IL1RAP: variants seen among roughly 807,000 people sequenced by gnomAD.
IL1RAP encodes interleukin-1 receptor accessory protein.
In IL1RAP, 35 loss-of-function variants were observed where a neutral mutation model predicts 60.7. The observed-to-expected ratio is 0.58, with a 90% CI of 0.44 to 0.76. The LOEUF is 0.76. Among genes scored for constraint, IL1RAP ranks in the 30% least tolerant of loss-of-function variants. The probability of loss-of-function intolerance (pLI) is 0.00; values close to 1 mark genes in which losing one functional copy is unlikely to be tolerated. For synonymous variants in IL1RAP, 268 were observed against 250.9 expected (o/e 1.07, Z -0.64); for missense variants, 572 against 693.9 (o/e 0.82, Z 1.97).
chr3:190,609,176 T>C lies in IL1RAP; in HGVS notation c.532T>C (p.Tyr178His), dbSNP rs1267011263. 2.5e-6 allele frequency: 4 copies of C among 1,599,974 alleles called. No individual in the cohort carries two copies. The highest frequency in any genetic ancestry group is 1.7e-4 in the Middle Eastern group (1 of 5,996). Residue 178 changes from tyrosine (Y) to histidine (H), a missense_variant, in exon 5 of 12, where the codon TAT (tyrosine) becomes CAT (histidine). By Grantham distance (83) the Tyr-to-His change is moderately conservative (BLOSUM62 2). Transcript: ENST00000447382. Reference protein sequence around the residue: ...PSSVKPTITWYMGCYKIQNFN... With the variant: ...PSSVKPTITWHMGCYKIQNFN... ...CAGTGTCAAACCGACTATCACTTGGTATATGGTAAGGAAAATTAGACTACA... is the reference window on the plus strand; with the variant it reads ...CAGTGTCAAACCGACTATCACTTGGCATATGGTAAGGAAAATTAGACTACA...
chr3:190,578,355 A>G lies in IL1RAP; in HGVS notation c.64+14002A>G, dbSNP rs1485297475. On this transcript the variant is annotated intron_variant, in intron 3 of 11. Coordinates refer to ENST00000447382, the MANE Select transcript of IL1RAP (RefSeq NM_002182.4). Reference sequence around the variant, plus strand: ...CAAGCAAGAGGCAATTGTGACAGGTATGATAGTTTAAGCCTTGGCTCTTTG... The same window carrying G: ...CAAGCAAGAGGCAATTGTGACAGGTGTGATAGTTTAAGCCTTGGCTCTTTG... Among the ~76,000 whole-genome samples the G allele has an allele frequency of 3.9e-5, 6 of 152,192 alleles. No individual in the cohort carries two copies. In the East Asian group the frequency reaches 9.6e-4, roughly 24 times the overall value.
At chr3:190,546,943 G>T (rs1340569715) in intron 1 of IL1RAP, among the ~76,000 whole-genome samples, 3 of 152,154 alleles carry the variant, frequency 2.0e-5, no homozygotes, top group African/African-American at 7.2e-5. Flanking sequence ...GCCACAAAAT[G>T]CCCCCCTTGT....
chr3:190,644,821 G>A (rs1315401108), intron 10 of IL1RAP, among the ~76,000 whole-genome samples: 2 of 152,160 alleles, frequency 1.3e-5, no homozygotes, highest in African/African-American at 4.8e-5. Flanking sequence ...AATGTAAAAT[G>A]TATTCTACTT....
chr3:190,636,618 T>C (rs1733247097), intron 9 of IL1RAP, among the ~76,000 whole-genome samples: 1 of 152,042 alleles, frequency 6.6e-6, no homozygotes, highest in African/African-American at 2.4e-5. Context: ...CTCAGCTCAC[T>C]GCCAGCTTTC....
At chr3:190,559,978 A>G (rs1451590403) in intron 2 of IL1RAP, among the ~76,000 whole-genome samples, 1 of 152,196 alleles carries the variant, frequency 6.6e-6, no homozygotes, top group East Asian at 1.9e-4. Flanking sequence ...TTGCTGATAA[A>G]TATTAGATTT....
intron 3 of IL1RAP, among the ~76,000 whole-genome samples, chr3:190,576,385 C>T (rs369410522): frequency 9.2e-5 from 12 of 130,808 alleles, no homozygotes; most frequent in African/African-American, 2.8e-4. Context: ...TATATATATA[C>T]ACACACACAC....
At position 190,544,777 on chromosome 3, in the gene IL1RAP, A is replaced by G. The variant is rs114831841; in HGVS notation, c.-88-11353A>G. ...TTACTAAGTAATTGAGTTTCACAAC[A>G]TGCATTAGCATCCTGAAAGGCCCTG... On this transcript the variant is annotated intron_variant, in intron 1 of 11. Coordinates refer to ENST00000447382, the MANE Select transcript of IL1RAP (RefSeq NM_002182.4). 3.6e-3 allele frequency among the ~76,000 whole-genome samples: 544 copies of G among 152,366 alleles called. 3 individuals are homozygous for G. The highest frequency in any genetic ancestry group is 3.9e-3 in the East Asian group (20 of 5,192).
chr3:190,558,218 A>C (rs539541048), intron 2 of IL1RAP, among the ~76,000 whole-genome samples: 25 of 152,320 alleles, frequency 1.6e-4, no homozygotes, highest in African/African-American at 6.0e-4. Flanking sequence ...TTCCAGCTTT[A>C]GGCAATTAAT....
At position 190,629,603 on chromosome 3, in the gene IL1RAP, G is replaced by GA. The variant is rs1180170340; in HGVS notation, c.1051+106dup. The GA allele has an allele frequency of 7.6e-6, 11 of 1,443,830 alleles. No homozygotes were observed. The African/African-American group carries it at 1.1e-4, about 15-fold the overall frequency. The allele number at this position is 1,443,830 out of a possible 1,614,324, so 89.4% of individuals were successfully genotyped here. Reference sequence around the variant, plus strand: ...ACAAGAGAGCTCCAGCACCTAGCCCGACGGCATCTAACCCATAGTAATGAA... The same window carrying GA: ...ACAAGAGAGCTCCAGCACCTAGCCCGAACGGCATCTAACCCATAGTAATGAA... On this transcript the variant is annotated intron_variant, in intron 9 of 11. Coordinates refer to ENST00000447382, the MANE Select transcript of IL1RAP (RefSeq NM_002182.4).
chr3:190,555,203 T>C (rs1271688166), intron 1 of IL1RAP, among the ~76,000 whole-genome samples: 4 of 152,184 alleles, frequency 2.6e-5, no homozygotes, highest in Non-Finnish European at 5.9e-5. Context: ...ACAGGTGATA[T>C]GTCTGTTTTG....
chr3:190,616,897 C>G (rs1731328094), intron 5 of IL1RAP, among the ~76,000 whole-genome samples: 1 of 152,126 alleles, frequency 6.6e-6, no homozygotes, highest in African/African-American at 2.4e-5. Context: ...CTTAAAAACC[C>G]CACTGTCCCT....
At position 190,604,362 on chromosome 3, in the gene IL1RAP, G is replaced by C. The variant is rs376100551; in HGVS notation, c.299G>C (p.Trp100Ser). 1.7e-5 allele frequency: 28 copies of C among 1,613,668 alleles called. No homozygotes were observed. The highest frequency in any genetic ancestry group is 2.3e-5 in the Non-Finnish European group (27 of 1,179,978). The change falls in exon 4 of 12, where the codon TGG becomes TCG. Residue 100 changes from tryptophan to serine, a missense_variant. Transcript: ENST00000447382. ...ATTAGTAAGGAGAAAGATGTGCTGT[G>C]GTTCCGGCCCACTCTCCTCAATGAC... Reference protein sequence around the residue: ...NRISKEKDVLWFRPTLLNDTG... With the variant: ...NRISKEKDVLSFRPTLLNDTG...
rs532355830 is a variant in IL1RAP, at chr3:190,542,044, C to T, written c.-88-14086C>T. Among the ~76,000 whole-genome samples, 4 of 152,242 alleles carry T rather than the reference C, an allele frequency of 2.6e-5. No individual in the cohort carries two copies. The East Asian group carries it at 5.8e-4, about 22-fold the overall frequency. On this transcript the variant is annotated intron_variant, in intron 1 of 11. Coordinates refer to ENST00000447382, the MANE Select transcript of IL1RAP (RefSeq NM_002182.4). ...TGCAGTTCCCCAGAAATGTCTCATT[C>T]GTGCCACTTCATTACTTTCAAACTG...
chr3:190,581,860 A>G (rs890512639), intron 3 of IL1RAP, among the ~76,000 whole-genome samples: 6 of 152,184 alleles, frequency 3.9e-5, no homozygotes, highest in Non-Finnish European at 8.8e-5. Context: ...TCCTTTCTTC[A>G]TGCTCGTTTG....
intron 9 of IL1RAP, among the ~76,000 whole-genome samples, chr3:190,630,539 A>C (rs570548309): frequency 6.6e-6 from 1 of 152,212 alleles, no homozygotes; most frequent in African/African-American, 2.4e-5. Flanking sequence ...CTGATGAAAA[A>C]CAGGATTCAC....
At chr3:190,627,254 TTTTTGTTTTGTTTTGTTTTG>T (rs3038257) in intron 7 of IL1RAP, 49 bp from the exon 8 acceptor site, 2 of 1,162,984 alleles carry the variant, frequency 1.7e-6, no homozygotes, top group African/African-American at 1.6e-5. Flanking sequence ...TTGTCTTTGT[TTTTTGTTTTGTTTTGTTTTG>T]TTTTGTTTTG....
At position 190,627,448 on chromosome 3, in the gene IL1RAP, A is replaced by C. The variant is rs373286124; in HGVS notation, c.901A>C (p.Ser301Arg). The change falls in exon 8 of 12, where the codon AGT becomes CGT. Residue 301 changes from serine to arginine, a missense_variant and splice_region_variant. Coordinates refer to ENST00000447382, the MANE Select transcript of IL1RAP (RefSeq NM_002182.4). ...CACTATTGATGTCACCATTAACGAA[A>C]GGTATCATGGGGGCCAGCAAGGGAG... is the stretch of plus-strand genomic sequence containing the variant. ...DITIDVTINE[S>R]ISHSRTEDET... 6.8e-6 allele frequency: 11 copies of C among 1,611,444 alleles called. No homozygotes were observed. The African/African-American group carries it at 1.5e-4, about 22-fold the overall frequency.
intron 3 of IL1RAP, chr3:190,564,714 G>A: frequency 9.1e-6 from 2 of 218,958 alleles, no homozygotes; most frequent in Non-Finnish European, 1.9e-5. Context: ...TTGAGCCAGT[G>A]GTGGAAAAGT....
intron 1 of IL1RAP, among the ~76,000 whole-genome samples, chr3:190,526,652 G>A (rs922316050): frequency 1.3e-5 from 2 of 152,164 alleles, no homozygotes; most frequent in African/African-American, 4.8e-5. Flanking sequence ...CCATTGTGAG[G>A]ATTACATGAA....
Sources: gnomAD v4.1 joint callset for allele counts (sites outside exome capture counted in the v4.1 genomes callset) on GRCh38, gnomAD v4.1.1 for gene constraint, MANE v1.5 for transcripts, NCBI Gene and HGNC (gene_info 2026-07-23, HGNC 2026-07-21) for gene names.